The following USP54 variants were observed in gnomAD, a reference collection of about 807,000 sequenced individuals.
The protein encoded by USP54 is ubiquitin carboxyl-terminal hydrolase 54.
USP54 carries 87 observed loss-of-function variants against 170.5 expected under a neutral mutation model. That is an observed-to-expected ratio of 0.51 (90% CI 0.43 to 0.61). USP54 has a LOEUF of 0.61. Ranked by LOEUF, USP54 falls within the 20% of genes least tolerant of loss-of-function variation. USP54 has a pLI of 0.00. For synonymous variants in USP54, 655 were observed against 742.8 expected (o/e 0.88, Z 1.92); for missense variants, 1,786 against 2,047.8 (o/e 0.87, Z 2.47).
intron 22 of USP54, among the ~76,000 whole-genome samples, chr10:73,503,673 A>C (rs2058566950): frequency 6.6e-6 from 1 of 152,246 alleles, no homozygotes; most frequent in South Asian, 2.1e-4. Context: ...AGAATTGCTT[A>C]GGAATTTATG....
At position 73,555,068 on chromosome 10, in the gene USP54, A is replaced by G. The variant is rs147680572; in HGVS notation, c.241-9396T>C. Among the ~76,000 whole-genome samples, 372 of 152,352 alleles carry G rather than the reference A, an allele frequency of 2.4e-3. 4 individuals carry two copies. Among genetic ancestry groups the G allele is most frequent in the African/African-American group, 8.4e-3 (350 of 41,586 alleles). ...CAGTGAGCTATAATTGCACCACTGCACTTCAGCCTGGGTGACAGAGCAAGA... is the reference window on the plus strand; with the variant it reads ...CAGTGAGCTATAATTGCACCACTGCGCTTCAGCCTGGGTGACAGAGCAAGA... On this transcript the variant is annotated intron_variant, in intron 4 of 23. Coordinates refer to ENST00000687698, the MANE Select transcript of USP54 (RefSeq NM_001391956.1).
chr10:73,589,165 C>A (rs1183623458), intron 1 of USP54, among the ~76,000 whole-genome samples: 8 of 152,182 alleles, frequency 5.3e-5, no homozygotes, highest in Non-Finnish European at 8.8e-5. Flanking sequence ...AAATGAAGAA[C>A]TAAGTTTCAT....
At chr10:73,554,637 G>T (rs1247271043) in intron 4 of USP54, among the ~76,000 whole-genome samples, 1 of 152,180 alleles carries the variant, frequency 6.6e-6, no homozygotes, top group Non-Finnish European at 1.5e-5. Context: ...AGAGTAGACA[G>T]AAGAGCTAAA....
At chr10:73,546,484 C>G (rs1215691647) in intron 4 of USP54, 1 of 152,048 alleles carries the variant, frequency 6.6e-6, no homozygotes, top group African/African-American at 2.4e-5. Context: ...AGGCATGCAC[C>G]ACCACACACC....
At chr10:73,514,361 G>A (rs2060708402) in intron 20 of USP54, among the ~76,000 whole-genome samples, 1 of 151,498 alleles carries the variant, frequency 6.6e-6, no homozygotes, top group Admixed American at 6.6e-5. Flanking sequence ...TTAGGGCTTC[G>A]AGATGAGCCT....
Position 73,517,717 on chromosome 10 carries a change from TAAC to T in USP54, c.2706_2708del (p.Leu903del). The T allele has an allele frequency of 6.2e-7, 1 of 1,613,980 alleles. No homozygotes were observed. ...CGGATTCCAGTTGGGCCTCTTGGCT[TAAC>T]AATACTTGGAGCGGGATAGGCTGTT... On this transcript the variant is annotated inframe_deletion, in exon 20 of 24. Coordinates refer to ENST00000687698, the MANE Select transcript of USP54 (RefSeq NM_001391956.1).
intron 3 of USP54, among the ~76,000 whole-genome samples, chr10:73,573,189 G>C (rs2075524592): frequency 2.0e-5 from 3 of 152,106 alleles, no homozygotes; most frequent in Non-Finnish European, 4.4e-5. Context: ...ACCTAGGGAG[G>C]CTGAGGTGGG....
In USP54 at chr10:73,550,998, C is replaced by T. The variant is rs567541787; in HGVS notation, c.241-5326G>A. ...CAGGTGCCCATAGTCCCAGCTACTG[C>T]GGAGGCTGAGGCAGGAGAATGGCGT... is the stretch of plus-strand genomic sequence containing the variant. On this transcript the variant is annotated intron_variant, in intron 4 of 23. Transcript: ENST00000687698. Among the ~76,000 whole-genome samples the T allele has an allele frequency of 8.5e-5, 13 of 152,134 alleles. No individual in the cohort carries two copies. In the South Asian group the frequency reaches 2.1e-3, roughly 24 times the overall value.
At chr10:73,564,901 CAAAAAA>C (rs199823108) in intron 4 of USP54, among the ~76,000 whole-genome samples, 2 of 66,456 alleles carry the variant, frequency 3.0e-5, no homozygotes, top group African/African-American at 1.2e-4. Context: ...TCATCTCTAC[CAAAAAA>C]AAAAAAAAAA....
chr10:73,539,348 C>T lies in USP54; in HGVS notation c.975+96G>A, dbSNP rs555258908. 1.2e-4 allele frequency: 111 copies of T among 934,548 alleles called. No homozygotes were observed. The African/African-American group carries it at 1.7e-3, about 14-fold the overall frequency. 57.9% of individuals were successfully genotyped at this position (934,548 alleles called of 1,614,324 possible). A position where few individuals can be genotyped will look rare whatever the true frequency, so the allele number is the denominator to read the frequency against. On this transcript the variant is annotated intron_variant, in intron 10 of 23. Coordinates refer to ENST00000687698, the MANE Select transcript of USP54 (RefSeq NM_001391956.1). ...TGTTTTATAGAAATGTGGGGAGGTCCCATTCAAAATTATGAAAATGAAACA... is the reference window on the plus strand; with the variant it reads ...TGTTTTATAGAAATGTGGGGAGGTCTCATTCAAAATTATGAAAATGAAACA...
chr10:73,562,285 A>C (rs1379628054), intron 4 of USP54, among the ~76,000 whole-genome samples: 1 of 151,896 alleles, frequency 6.6e-6, no homozygotes, highest in East Asian at 1.9e-4. Flanking sequence ...TACATAGCCA[A>C]AGAATAATAA....
chr10:73,622,441 A>G (rs1225712905), intron 1 of USP54, among the ~76,000 whole-genome samples: 1 of 151,952 alleles, frequency 6.6e-6, no homozygotes, highest in Non-Finnish European at 1.5e-5. Flanking sequence ...CTCCTGCCTC[A>G]GCCTCCCGAG....
In USP54 at chr10:73,567,352, C is replaced by T. The variant is rs1235602396; in HGVS notation, c.240+4069G>A. ...CTATTATAAAATGCTTTTTAAATTG[C>T]ATTTTCTGTTTGTTGCCAGCTATAG... is the stretch of plus-strand genomic sequence containing the variant. On this transcript the variant is annotated intron_variant, in intron 4 of 23. Transcript: ENST00000687698. 2.0e-5 allele frequency among the ~76,000 whole-genome samples: 3 copies of T among 152,148 alleles called. No individual in the cohort carries two copies. In the East Asian group the frequency reaches 5.8e-4, roughly 29 times the overall value.
chr10:73,516,700 A>G lies in USP54; in HGVS notation c.3726T>C (p.Asp1242=). The part of the protein sequence containing the change: ...IYQEKLSQVR[D]VRSKDLGSST... ...TGCTGCCCAGATCCTTAGACCTAAC[A>G]TCTCTCACTTGGGACAGCTTCTCTT... is the stretch of plus-strand genomic sequence containing the variant. Residue 1242 remains aspartate, a synonymous_variant, in exon 20 of 24, where the codon GAT becomes GAC. Coordinates refer to ENST00000687698, the MANE Select transcript of USP54 (RefSeq NM_001391956.1). The G allele has an allele frequency of 6.2e-7, 1 of 1,614,182 alleles. No individual in the cohort carries two copies. The highest frequency in any genetic ancestry group is 8.5e-7 in the Non-Finnish European group (1 of 1,180,044).
chr10:73,576,460 A>G (rs997756383), intron 1 of USP54, 99 bp from the exon 2 acceptor site: 1 of 151,618 alleles, frequency 6.6e-6, no homozygotes, highest in African/African-American at 2.4e-5. Flanking sequence ...ACTTCTCACT[A>G]TAAACTTGAA....
chr10:73,539,307 A>AAAATATAT (rs1322866362), intron 10 of USP54, 137 bp downstream of exon 10: 3 of 277,374 alleles, frequency 1.1e-5, no homozygotes, highest in African/African-American at 7.7e-5. Context: ...AAAAAAAAAA[A>AAAATATAT]ATATATATAT....
At chr10:73,586,719 T>C (rs565033892) in intron 1 of USP54, among the ~76,000 whole-genome samples, 23 of 152,318 alleles carry the variant, frequency 1.5e-4, no homozygotes, top group African/African-American at 4.6e-4. Flanking sequence ...GGAAACAATA[T>C]TTGCTTCTGA....
chr10:73,612,845 A>C (rs1292721900), intron 1 of USP54, among the ~76,000 whole-genome samples: 1 of 150,442 alleles, frequency 6.6e-6, no homozygotes, highest in African/African-American at 2.4e-5. Context: ...GTCTCAAAAA[A>C]AAAAAAAAAA....
intron 5 of USP54, among the ~76,000 whole-genome samples, chr10:73,543,844 G>A (rs998857842): frequency 6.6e-5 from 10 of 151,908 alleles, no homozygotes; most frequent in African/African-American, 1.7e-4. Context: ...AGCCTTACCC[G>A]TCCAAACCTA....
Sources: gnomAD v4.1 joint callset for allele counts (sites outside exome capture counted in the v4.1 genomes callset) on GRCh38, gnomAD v4.1.1 for gene constraint, MANE v1.5 for transcripts, NCBI Gene and HGNC (gene_info 2026-07-23, HGNC 2026-07-21) for gene names.